Variants in VMP1 observed in about 807,000 individuals in gnomAD.
The protein encoded by VMP1 is ectopic P-granules autophagy protein 3 homolog.
VMP1 carries 11 observed loss-of-function variants against 56.0 expected under a neutral mutation model. That is an observed-to-expected ratio of 0.20 (90% CI 0.12 to 0.32). The LOEUF (loss-of-function observed/expected upper bound fraction) is 0.32. VMP1 is among the 10% of genes least tolerant of loss of function. The probability of loss-of-function intolerance (pLI) is 1.00; values close to 1 mark genes in which losing one functional copy is unlikely to be tolerated. For missense variants in VMP1, 296 were observed against 490.3 expected, an observed-to-expected ratio of 0.60 and a Z score of 3.74; for synonymous variants, 149 against 165.0, an observed-to-expected ratio of 0.90 and a Z score of 0.74.
chr17:59,765,224 A>G (rs1200867932), intron 6 of VMP1, 86 bp downstream of exon 6: 1 of 1,413,992 alleles, frequency 7.1e-7, no homozygotes, highest in Non-Finnish European at 9.5e-7. Context: ...ATCTAAACAT[A>G]TTCCTTGTCA....
intron 2 of VMP1, 134 bp from the exon 3 acceptor site, chr17:59,735,204 C>T (rs2034973201): frequency 8.3e-7 from 1 of 1,208,210 alleles, no homozygotes; most frequent in South Asian, 1.7e-5. Context: ...TACTAGTTGC[C>T]ATTTTTCACA....
intron 7 of VMP1, among the ~76,000 whole-genome samples, chr17:59,799,332 A>G (rs2037556602): frequency 6.6e-6 from 1 of 152,156 alleles, no homozygotes; most frequent in South Asian, 2.1e-4. Context: ...TTTCTAATAT[A>G]TATAGAAATA....
At chr17:59,740,109 G>C (rs1386654870) in intron 5 of VMP1, among the ~76,000 whole-genome samples, 2 of 151,710 alleles carry the variant, frequency 1.3e-5, no homozygotes, top group South Asian at 2.1e-4. Context: ...AAAGAAATAA[G>C]AGAGAATGAA....
intron 6 of VMP1, among the ~76,000 whole-genome samples, chr17:59,773,072 C>G: frequency 6.9e-6 from 1 of 144,750 alleles, no homozygotes; most frequent in East Asian, 2.1e-4. Flanking sequence ...AGCAATTTTC[C>G]TGCCTCAGCC....
chr17:59,711,999 T>C (rs1248329797), intron 1 of VMP1, among the ~76,000 whole-genome samples: 1 of 152,214 alleles, frequency 6.6e-6, no homozygotes, highest in African/African-American at 2.4e-5. Flanking sequence ...TCTATTACTA[T>C]GCAACTCTTG....
intron 1 of VMP1, among the ~76,000 whole-genome samples, chr17:59,729,463 A>G (rs2034735258): frequency 6.7e-6 from 1 of 148,356 alleles, no homozygotes; most frequent in African/African-American, 2.5e-5. Flanking sequence ...AGCCTGAGCG[A>G]CAGAGACTCC....
At chr17:59,820,347 T>C (rs1020506762) in intron 10 of VMP1, among the ~76,000 whole-genome samples, 1 of 152,198 alleles carries the variant, frequency 6.6e-6, no homozygotes, top group Non-Finnish European at 1.5e-5. Flanking sequence ...TTACTTGTTA[T>C]GGGGAACTGT....
chr17:59,780,316 T>C (rs1207182637), intron 7 of VMP1, among the ~76,000 whole-genome samples: 1 of 152,226 alleles, frequency 6.6e-6, no homozygotes, highest in Non-Finnish European at 1.5e-5. Context: ...TGTTGCCTGC[T>C]GCAGTGGCTC....
At chr17:59,764,097 T>C (rs1393698301) in intron 5 of VMP1, among the ~76,000 whole-genome samples, 1 of 152,130 alleles carries the variant, frequency 6.6e-6, no homozygotes, top group East Asian at 1.9e-4. Context: ...ATGATCTCAC[T>C]GGGAAAGGTT....
chr17:59,745,979 G>T (rs1434063189), intron 5 of VMP1, among the ~76,000 whole-genome samples: 1 of 152,112 alleles, frequency 6.6e-6, no homozygotes, highest in Non-Finnish European at 1.5e-5. Context: ...TTTGAAATTT[G>T]TGTTTAGAAT....
intron 11 of VMP1, chr17:59,838,644 T>C (rs970872760): frequency 3.5e-5 from 16 of 460,334 alleles, no homozygotes; most frequent in Non-Finnish European, 5.2e-5. Flanking sequence ...TTCTGTTACA[T>C]AGAATGAGTT....
At chr17:59,789,277 G>A (rs2037130212) in intron 7 of VMP1, among the ~76,000 whole-genome samples, 1 of 150,962 alleles carries the variant, frequency 6.6e-6, no homozygotes, top group Non-Finnish European at 1.5e-5. Flanking sequence ...GCCCCTTTTG[G>A]CTGGGCGCAG....
At chr17:59,781,254 A>G (rs1328431907) in intron 7 of VMP1, among the ~76,000 whole-genome samples, 2 of 152,174 alleles carry the variant, frequency 1.3e-5, no homozygotes, top group East Asian at 3.8e-4. Context: ...TGTTTTACAG[A>G]TCTGCATATT....
intron 6 of VMP1, among the ~76,000 whole-genome samples, chr17:59,766,690 T>G (rs1199870055): frequency 6.6e-6 from 1 of 152,204 alleles, no homozygotes; most frequent in Non-Finnish European, 1.5e-5. Context: ...TTTTGTGGTT[T>G]GCTTAAGTTT....
chr17:59,793,219 TGTTGGCCAGGCTG>T (rs1364169898), intron 7 of VMP1, among the ~76,000 whole-genome samples: 1 of 112,568 alleles, frequency 8.9e-6, no homozygotes, highest in African/African-American at 2.6e-5. Context: ...GGTTTCTCCA[TGTTGGCCAGGCTG>T]GTCTTGAACT....
At chr17:59,746,418 C>T (rs541329405) in intron 5 of VMP1, among the ~76,000 whole-genome samples, 1 of 152,294 alleles carries the variant, frequency 6.6e-6, no homozygotes, top group East Asian at 1.9e-4. Flanking sequence ...GTGATCCACC[C>T]GCCTCAGCCT....
intron 7 of VMP1, among the ~76,000 whole-genome samples, chr17:59,800,372 T>C (rs1370413756): frequency 6.6e-6 from 1 of 152,222 alleles, no homozygotes; most frequent in Non-Finnish European, 1.5e-5. Context: ...ATTCCATTTC[T>C]GCTTAATAGA....
intron 5 of VMP1, among the ~76,000 whole-genome samples, chr17:59,756,591 T>C (rs536749429): frequency 6.6e-6 from 1 of 152,340 alleles, no homozygotes; most frequent in Admixed American, 6.5e-5. Context: ...CTCCAGTCTT[T>C]AGGAATGTTT....
Position 59,739,462 on chromosome 17 carries a change from C to T in VMP1, c.414+515C>T, listed in dbSNP as rs529636744. On this transcript the variant is annotated intron_variant, in intron 5 of 11. Coordinates refer to ENST00000262291, the MANE Select transcript of VMP1 (RefSeq NM_030938.5). ...CTTCTGGGCTGGGCGTGGTGGCTCA[C>T]GCCTGTAATCCCAGCACTTTGGGAG... Among the ~76,000 whole-genome samples, 344 of 151,296 alleles carry T rather than the reference C, an allele frequency of 2.3e-3. 1 individual carries two copies. The highest frequency in any genetic ancestry group is 3.8e-3 in the Non-Finnish European group (259 of 67,812).
Sources: allele counts gnomAD v4.1 joint callset (sites outside exome capture counted in the v4.1 genomes callset), GRCh38; gene constraint gnomAD v4.1.1; transcripts MANE v1.5; gene names NCBI Gene and HGNC (gene_info 2026-07-23, HGNC 2026-07-21).